Variants in PLPPR1 observed in about 807,000 individuals in gnomAD.
PLPPR1 encodes the protein phospholipid phosphatase related 1.
In PLPPR1, 10 loss-of-function variants were observed where a neutral mutation model predicts 33.1. That is an observed-to-expected ratio of 0.30 (90% CI 0.19 to 0.51). PLPPR1 has a LOEUF of 0.51. Among genes scored for constraint, PLPPR1 ranks in the 20% least tolerant of loss-of-function variants. PLPPR1 has a pLI of 0.97. For missense variants in PLPPR1, 304 were observed against 408.1 expected, an observed-to-expected ratio of 0.74 and a Z score of 2.20; for synonymous variants, 151 against 151.0, an observed-to-expected ratio of 1.00 and a Z score of 0.00.
chr9:101,117,802 GACA>G (rs979800127), intron 1 of PLPPR1, among the ~76,000 whole-genome samples: 2 of 152,126 alleles, frequency 1.3e-5, no homozygotes, highest in Non-Finnish European at 2.9e-5. Context: ...AAGATCAAAT[GACA>G]ACCTGCACCT....
intron 2 of PLPPR1, among the ~76,000 whole-genome samples, chr9:101,266,127 C>A (rs765376078): frequency 1.3e-5 from 2 of 151,084 alleles, no homozygotes; most frequent in Non-Finnish European, 3.0e-5. Context: ...TTGAGGATTG[C>A]TTGAAAATGA....
At chr9:101,049,041 C>T (rs1412729762) in intron 1 of PLPPR1, among the ~76,000 whole-genome samples, 2 of 152,196 alleles carry the variant, frequency 1.3e-5, no homozygotes, top group Non-Finnish European at 2.9e-5. Flanking sequence ...TATCATTTTG[C>T]AGCTATCAGA....
At chr9:101,179,593 T>A (rs1450241980) in intron 1 of PLPPR1, among the ~76,000 whole-genome samples, 1 of 152,168 alleles carries the variant, frequency 6.6e-6, no homozygotes, top group East Asian at 1.9e-4. Context: ...ACATTTCCAG[T>A]TGTATGAAGG....
chr9:101,107,794 C>A (rs1234900778), intron 1 of PLPPR1, among the ~76,000 whole-genome samples: 1 of 144,388 alleles, frequency 6.9e-6, no homozygotes, highest in East Asian at 2.1e-4. Context: ...TGCTAGCAAT[C>A]AGCGAGATTC....
chr9:101,254,563 G>A (rs552107712), intron 2 of PLPPR1, among the ~76,000 whole-genome samples: 2 of 152,206 alleles, frequency 1.3e-5, no homozygotes, highest in Non-Finnish European at 2.9e-5. Context: ...ACTACATAGG[G>A]TGAATGCTGG....
At chr9:101,210,023 A>T (rs1826661157) in intron 2 of PLPPR1, among the ~76,000 whole-genome samples, 1 of 152,216 alleles carries the variant, frequency 6.6e-6, no homozygotes, top group African/African-American at 2.4e-5. Flanking sequence ...TAACCTTGTA[A>T]GTTTCCTTCA....
At chr9:101,122,901 A>G (rs978305984) in intron 1 of PLPPR1, among the ~76,000 whole-genome samples, 2 of 152,226 alleles carry the variant, frequency 1.3e-5, no homozygotes, top group African/African-American at 2.4e-5. Flanking sequence ...GTATTTGTCT[A>G]CATCTGTTTC....
intron 1 of PLPPR1, among the ~76,000 whole-genome samples, chr9:101,180,697 C>A (rs181553002): frequency 6.6e-6 from 1 of 151,536 alleles, no homozygotes; most frequent in Admixed American, 6.6e-5. Context: ...AGCAGAAGAA[C>A]AAAATTGGAC....
chr9:101,256,181 C>T (rs1324061396), intron 2 of PLPPR1, among the ~76,000 whole-genome samples: 1 of 152,180 alleles, frequency 6.6e-6, no homozygotes, highest in Non-Finnish European at 1.5e-5. Flanking sequence ...GTTTGAACTG[C>T]ATCCTCTCTT....
chr9:101,287,536 C>G (rs545164172), intron 4 of PLPPR1, among the ~76,000 whole-genome samples: 9 of 152,346 alleles, frequency 5.9e-5, no homozygotes, highest in Non-Finnish European at 8.8e-5. Context: ...GAGTCTTGCT[C>G]TCTCCCCAGG....
At chr9:101,110,086 A>G (rs542510472) in intron 1 of PLPPR1, among the ~76,000 whole-genome samples, 2 of 152,356 alleles carry the variant, frequency 1.3e-5, no homozygotes, top group South Asian at 4.1e-4. Flanking sequence ...AAAGCAATAT[A>G]ATATGTATGT....
intron 4 of PLPPR1, among the ~76,000 whole-genome samples, chr9:101,291,957 T>C (rs376777321): frequency 6.6e-5 from 10 of 151,772 alleles, no homozygotes; most frequent in Admixed American, 2.0e-4. Context: ...CTTTGACGAG[T>C]TGAGAGAAGA....
chr9:101,163,659 C>T (rs75226468), intron 1 of PLPPR1, among the ~76,000 whole-genome samples: 2,482 of 152,212 alleles, frequency 0.016, 69 homozygotes, highest in African/African-American at 0.057. Context: ...AGATTTTACT[C>T]TGTAGGTCAC....
intron 1 of PLPPR1, among the ~76,000 whole-genome samples, chr9:101,053,575 G>C (rs1221900532): frequency 1.3e-5 from 2 of 152,142 alleles, no homozygotes; most frequent in Admixed American, 6.5e-5. Context: ...TCATGTCCCT[G>C]CTCTGGGAGG....
intron 1 of PLPPR1, among the ~76,000 whole-genome samples, chr9:101,098,703 T>C (rs950316372): frequency 6.6e-6 from 1 of 152,144 alleles, no homozygotes; most frequent in Non-Finnish European, 1.5e-5. Context: ...AGGAAAAGTG[T>C]ATTTAATGTA....
chr9:101,173,445 C>T (rs1252981893), intron 1 of PLPPR1, among the ~76,000 whole-genome samples: 2 of 152,212 alleles, frequency 1.3e-5, no homozygotes, highest in East Asian at 3.9e-4. Flanking sequence ...GCAATTGGCC[C>T]TATAGTACCT....
chr9:101,273,261 A>T (rs1361822967), intron 3 of PLPPR1, among the ~76,000 whole-genome samples: 1 of 152,184 alleles, frequency 6.6e-6, no homozygotes, highest in African/African-American at 2.4e-5. Flanking sequence ...GGTGAATTGC[A>T]TCTGTTCTCA....
chr9:101,203,358 G>T (rs1013047915), intron 2 of PLPPR1, among the ~76,000 whole-genome samples: 4 of 151,370 alleles, frequency 2.6e-5, no homozygotes, highest in African/African-American at 9.8e-5. Flanking sequence ...AGAGACCTTA[G>T]GGGGGGAAAA....
chr9:101,132,322 T>C (rs1831323046), intron 1 of PLPPR1, among the ~76,000 whole-genome samples: 2 of 152,102 alleles, frequency 1.3e-5, no homozygotes, highest in Admixed American at 1.3e-4. Context: ...CAAAGTAAAA[T>C]TCAGTGCTAA....
Sources: gnomAD v4.1 joint callset for allele counts (sites outside exome capture counted in the v4.1 genomes callset) on GRCh38, gnomAD v4.1.1 for gene constraint, MANE v1.5 for transcripts, NCBI Gene and HGNC (gene_info 2026-07-23, HGNC 2026-07-21) for gene names.